Variants in ANKRD36 observed in about 807,000 individuals in gnomAD.
ANKRD36 encodes ankyrin repeat domain-containing protein 36A.
In ANKRD36, 179 loss-of-function variants were observed where a neutral mutation model predicts 278.1. The observed-to-expected ratio is 0.64, with a 90% CI of 0.57 to 0.73. ANKRD36 has a LOEUF of 0.73. ANKRD36 is among the 30% of genes least tolerant of loss of function. The pLI, the probability that ANKRD36 is intolerant of heterozygous loss-of-function variation, is 0.00. For missense variants in ANKRD36, 1,159 were observed against 1,956.7 expected (o/e 0.59, Z 7.69); for synonymous variants, 320 against 641.1 (o/e 0.50, Z 7.57).
At chr2:97,127,807 C>T (rs988214438) in intron 6 of ANKRD36, among the ~76,000 whole-genome samples, 2 of 151,844 alleles carry the variant, frequency 1.3e-5, no homozygotes, top group Non-Finnish European at 2.9e-5. Flanking sequence ...GCCCGCATGC[C>T]TTCTTCATTT....
At chr2:97,178,211 C>T (rs1443674275) in intron 22 of ANKRD36, among the ~76,000 whole-genome samples, 1 of 151,464 alleles carries the variant, frequency 6.6e-6, no homozygotes, top group East Asian at 1.9e-4. Context: ...GAAATAGGAA[C>T]ACTTTTACAC....
chr2:97,124,912 A>T (rs1258656553), intron 5 of ANKRD36, among the ~76,000 whole-genome samples: 1 of 151,888 alleles, frequency 6.6e-6, no homozygotes, highest in Non-Finnish European at 1.5e-5. Flanking sequence ...CATAGGGTAA[A>T]GTAGTTTCAC....
chr2:97,263,059 G>A (rs1308947502), intron 75 of ANKRD36, among the ~76,000 whole-genome samples: 4 of 134,790 alleles, frequency 3.0e-5, no homozygotes, highest in Middle Eastern at 3.8e-3. Context: ...AAGGAGTGGG[G>A]TTTTGCTATA....
In ANKRD36 at chr2:97,154,608, C is replaced by G. The variant is rs2046997068; in HGVS notation, c.1194-67C>G. ...TTTGGAGGGGACCTGCATGTATAGACTGACGGTTTTTGTTTTCTTTTAAGA... is the reference window on the plus strand; with the variant it reads ...TTTGGAGGGGACCTGCATGTATAGAGTGACGGTTTTTGTTTTCTTTTAAGA... On this transcript the variant is annotated intron_variant, in intron 14 of 75. Transcript: ENST00000420699. 7 of 1,334,766 alleles carry G rather than the reference C, an allele frequency of 5.2e-6. 1 individual carries two copies. Among genetic ancestry groups the G allele is most frequent in the South Asian group, 2.5e-5 (2 of 81,418 alleles). 82.7% of individuals were successfully genotyped at this position (1,334,766 alleles called of 1,614,324 possible).
Position 97,122,951 on chromosome 2 carries a change from TAAAG to T in ANKRD36, c.555_558del (p.Lys187GlnfsTer3). The T allele has an allele frequency of 1.3e-6, 2 of 1,544,928 alleles. No homozygotes were observed. Reference sequence around the variant, plus strand: ...AAAGTGAAAATGGTGGAATTTTTATTAAAGAAAAAAGCAAATGTAAATGCCATTG... The same window carrying T: ...AAAGTGAAAATGGTGGAATTTTTATTAAAAAAGCAAATGTAAATGCCATTG... On this transcript the variant is annotated frameshift_variant, in exon 4 of 76. Coordinates refer to ENST00000420699, the MANE Select transcript of ANKRD36 (RefSeq NM_001354587.1). LOFTEE classifies it high-confidence loss of function.
intron 24 of ANKRD36, among the ~76,000 whole-genome samples, chr2:97,180,680 T>C (rs2055919770): frequency 6.6e-6 from 1 of 151,684 alleles, no homozygotes; most frequent in Non-Finnish European, 1.5e-5. Flanking sequence ...TACATTGGCT[T>C]CCTTGTTCAA....
intron 75 of ANKRD36, among the ~76,000 whole-genome samples, chr2:97,260,379 T>TATATATATACACAC (rs1315601255): frequency 8.2e-6 from 1 of 121,242 alleles, no homozygotes; most frequent in African/African-American, 3.2e-5. Flanking sequence ...TATATATATA[T>TATATATATACACAC]ACACACATAT....
intron 6 of ANKRD36, among the ~76,000 whole-genome samples, chr2:97,130,944 C>T (rs1294150937): frequency 6.6e-6 from 1 of 151,880 alleles, no homozygotes; most frequent in African/African-American, 2.4e-5. Context: ...AGCACAGTGA[C>T]AGTGTAAGTG....
Position 97,190,829 on chromosome 2 carries a change from G to A in ANKRD36, c.2246-149G>A, listed in dbSNP as rs917757934. On this transcript the variant is annotated intron_variant, in intron 34 of 75. Coordinates refer to ENST00000420699, the MANE Select transcript of ANKRD36 (RefSeq NM_001354587.1). ...CCTTTTACCAGTGTATTTCTGTCAT[G>A]TTCCAGTCCCAAGAGACAAAGTAGA... The A allele has an allele frequency of 2.9e-5, 36 of 1,252,354 alleles. No individual in the cohort carries two copies. The African/African-American group carries it at 3.6e-4, about 13-fold the overall frequency. 77.6% of individuals were successfully genotyped at this position (1,252,354 alleles called of 1,614,324 possible). A position where few individuals can be genotyped will look rare whatever the true frequency, so the allele number is the denominator to read the frequency against.
rs560792874 is a variant in ANKRD36, at chr2:97,138,724, G to T, written c.800-3916G>T. On this transcript the variant is annotated intron_variant, in intron 6 of 75. Transcript: ENST00000420699. ...CAGTAATGAAAACAGCATGGTACTG[G>T]TACCAAAAGAGATATATAGACCAAT... Among the ~76,000 whole-genome samples, 95 of 152,082 alleles carry T rather than the reference G, an allele frequency of 6.2e-4. 1 individual carries two copies. Among genetic ancestry groups the T allele is most frequent in the African/African-American group, 2.3e-3 (94 of 41,504 alleles).
intron 54 of ANKRD36, among the ~76,000 whole-genome samples, chr2:97,209,455 A>C (rs1199846156): frequency 1.4e-5 from 2 of 146,408 alleles, no homozygotes; most frequent in African/African-American, 2.7e-5. Flanking sequence ...TTGACACGTG[A>C]CAAATCATAT....
At chr2:97,137,190 A>T (rs1479238653) in intron 6 of ANKRD36, among the ~76,000 whole-genome samples, 1 of 151,882 alleles carries the variant, frequency 6.6e-6, no homozygotes, top group Non-Finnish European at 1.5e-5. Flanking sequence ...TTTGTCACCC[A>T]GGCTGGAGTG....
At chr2:97,227,008 A>G (rs1453244626) in intron 67 of ANKRD36, among the ~76,000 whole-genome samples, 15 of 152,116 alleles carry the variant, frequency 9.9e-5, no homozygotes, top group African/African-American at 3.4e-4. Context: ...TACCAGTACC[A>G]TGCTGTTTTG....
chr2:97,179,975 T>C (rs766762072), intron 24 of ANKRD36, 42 bp downstream of exon 24: 1 of 1,601,112 alleles, frequency 6.2e-7, no homozygotes, highest in Non-Finnish European at 8.5e-7. Context: ...TCAATCAAGA[T>C]GGAAGAGAAC....
intron 34 of ANKRD36, among the ~76,000 whole-genome samples, chr2:97,189,987 GT>G (rs2058152766): frequency 1.2e-5 from 1 of 83,560 alleles, no homozygotes; most frequent in African/African-American, 2.7e-5. Context: ...AGAGATACAT[GT>G]TTTGTTGACT....
intron 67 of ANKRD36, among the ~76,000 whole-genome samples, chr2:97,232,115 G>C (rs1378053632): frequency 6.6e-6 from 1 of 151,876 alleles, no homozygotes; most frequent in African/African-American, 2.4e-5. Context: ...TTTGGGAGTA[G>C]GTAAACATAG....
intron 50 of ANKRD36, among the ~76,000 whole-genome samples, chr2:97,205,437 A>G (rs2062573573): frequency 6.6e-6 from 1 of 151,548 alleles, no homozygotes; most frequent in Non-Finnish European, 1.5e-5. Context: ...ACTTCCACTG[A>G]AGAGATGTGA....
chr2:97,137,764 A>G (rs564684815), intron 6 of ANKRD36, among the ~76,000 whole-genome samples: 1 of 152,210 alleles, frequency 6.6e-6, no homozygotes, highest in Non-Finnish European at 1.5e-5. Context: ...CTGCTCCAGC[A>G]TCTGTTGTTT....
chr2:97,215,557 C>G (rs754726375), intron 62 of ANKRD36, 60 bp downstream of exon 62: 1 of 1,597,746 alleles, frequency 6.3e-7, no homozygotes, highest in African/African-American at 1.3e-5. Flanking sequence ...ATTCACTTCC[C>G]TAAATAAATC....
Sources: gnomAD v4.1 joint callset for allele counts (sites outside exome capture counted in the v4.1 genomes callset) on GRCh38, gnomAD v4.1.1 for gene constraint, MANE v1.5 for transcripts, NCBI Gene and HGNC (gene_info 2026-07-23, HGNC 2026-07-21) for gene names.